Variants in LRP1B observed in about 807,000 individuals in gnomAD.
The protein encoded by LRP1B is low-density lipoprotein receptor-related protein 1B.
Under a neutral mutation model 556.6 loss-of-function variants are expected in LRP1B, and 217 were observed. The observed-to-expected ratio is 0.39, with a 90% CI of 0.35 to 0.44. LRP1B has a LOEUF of 0.44. Among genes scored for constraint, LRP1B ranks in the 20% least tolerant of loss-of-function variants. The pLI is 1.00. For synonymous variants in LRP1B, 2,047 were observed against 1,865.8 expected (o/e 1.10, Z -2.50); for missense variants, 5,053 against 5,620.8 (o/e 0.90, Z 3.23).
rs533563582 is a variant in LRP1B at position 141,594,685 on chromosome 2, T to C, written c.206-114152A>G. ...CATTTGGTTGACTACATTGATCAGA[T>C]AGCCAGTCAAATAAATTTCTTCCTT... On this transcript the variant is annotated intron_variant, in intron 2 of 90. Transcript: ENST00000389484. 1.9e-3 allele frequency among the ~76,000 whole-genome samples: 292 copies of C among 152,274 alleles called. 5 individuals are homozygous for C. Among genetic ancestry groups the C allele is most frequent in the Admixed American group, 0.019 (283 of 15,276 alleles).
intron 3 of LRP1B, among the ~76,000 whole-genome samples, chr2:141,416,012 A>G (rs967111091): frequency 1.3e-5 from 2 of 152,250 alleles, no homozygotes; most frequent in African/African-American, 2.4e-5. Context: ...CTTTTGAATA[A>G]GTTCTCTCTA....
chr2:140,788,033 T>A (rs1232563105), intron 32 of LRP1B, among the ~76,000 whole-genome samples: 1 of 152,212 alleles, frequency 6.6e-6, no homozygotes, highest in African/African-American at 2.4e-5. Context: ...CTTGGTGTGA[T>A]AATTGGCTGT....
chr2:141,531,028 T>C (rs1039882823), intron 2 of LRP1B, among the ~76,000 whole-genome samples: 1 of 151,658 alleles, frequency 6.6e-6, no homozygotes, highest in African/African-American at 2.4e-5. Flanking sequence ...TAATAAGATT[T>C]ATATTTTTAA....
chr2:140,620,352 T>C (rs1683406935), intron 41 of LRP1B, among the ~76,000 whole-genome samples: 1 of 152,190 alleles, frequency 6.6e-6, no homozygotes, highest in Non-Finnish European at 1.5e-5. Context: ...TGTCAGTCAG[T>C]GTCATTCATG....
intron 84 of LRP1B, among the ~76,000 whole-genome samples, chr2:140,278,167 T>G (rs1682763737): frequency 6.6e-6 from 1 of 152,036 alleles, no homozygotes; most frequent in South Asian, 2.1e-4. Flanking sequence ...AAAGTTAAGT[T>G]GAATCTATGG....
chr2:142,063,056 C>CA (rs3041466), intron 1 of LRP1B, among the ~76,000 whole-genome samples: 21,750 of 124,904 alleles, frequency 0.17, 2,478 homozygotes, highest in African/African-American at 0.21. Flanking sequence ...ATTACCTGAC[C>CA]AAAAAAAAAA....
At chr2:140,901,548 C>T (rs574323420) in intron 23 of LRP1B, among the ~76,000 whole-genome samples, 1 of 152,240 alleles carries the variant, frequency 6.6e-6, no homozygotes, top group Admixed American at 6.5e-5. Flanking sequence ...TCACCTCAAG[C>T]ATTTATCCTT....
chr2:140,925,043 A>G (rs982331828), intron 20 of LRP1B, among the ~76,000 whole-genome samples: 1 of 152,160 alleles, frequency 6.6e-6, no homozygotes, highest in Admixed American at 6.6e-5. Context: ...GTATAACTAT[A>G]TCATATTTAC....
intron 3 of LRP1B, among the ~76,000 whole-genome samples, chr2:141,427,867 T>G (rs1680425642): frequency 1.3e-5 from 2 of 152,146 alleles, no homozygotes; most frequent in African/African-American, 4.8e-5. Context: ...AGTATTGCAC[T>G]GATAGTGCAC....
rs138769219 is a variant in LRP1B, at chr2:140,970,968, T to C, written c.2887+11192A>G. Among the ~76,000 whole-genome samples the C allele has an allele frequency of 2.6e-3, 397 of 152,158 alleles. 2 individuals are homozygous for C. The highest frequency in any genetic ancestry group is 9.0e-3 in the African/African-American group (375 of 41,490). On this transcript the variant is annotated intron_variant, in intron 18 of 90. Coordinates refer to ENST00000389484, the MANE Select transcript of LRP1B (RefSeq NM_018557.3). ...GTTGCCCAGGCTGGCCTCAAACTCC[T>C]GGGCTCAAGGGATCTGCCAGCTTTG...
At chr2:142,066,007 G>A (rs759142539) in intron 1 of LRP1B, among the ~76,000 whole-genome samples, 5 of 151,282 alleles carry the variant, frequency 3.3e-5, no homozygotes, top group African/African-American at 7.3e-5. Flanking sequence ...TACAGACACA[G>A]GATAACAATT....
At chr2:140,374,241 T>C (rs150105379) in intron 68 of LRP1B, among the ~76,000 whole-genome samples, 3 of 152,272 alleles carry the variant, frequency 2.0e-5, no homozygotes, top group African/African-American at 7.2e-5. Context: ...TGTTTTCTGT[T>C]GTTAGGGAAT....
chr2:141,644,826 T>C (rs1689492644), intron 2 of LRP1B, among the ~76,000 whole-genome samples: 1 of 151,206 alleles, frequency 6.6e-6, no homozygotes, highest in South Asian at 2.1e-4. Flanking sequence ...AAAATAGACT[T>C]GGAACTCATT....
At chr2:141,980,251 A>C (rs1372877188) in intron 1 of LRP1B, among the ~76,000 whole-genome samples, 4 of 152,118 alleles carry the variant, frequency 2.6e-5, no homozygotes, top group Admixed American at 2.6e-4. Context: ...AACTAGAACA[A>C]AGGTGAAAAG....
intron 1 of LRP1B, 126 bp downstream of exon 1, chr2:142,130,522 G>T (rs1161455892): frequency 5.2e-6 from 4 of 766,240 alleles, no homozygotes; most frequent in Non-Finnish European, 8.4e-6. Context: ...CCAGCGCACG[G>T]TGGTCACCCG....
chr2:141,804,108 T>C (rs1173713670), intron 2 of LRP1B, among the ~76,000 whole-genome samples: 1 of 152,066 alleles, frequency 6.6e-6, no homozygotes, highest in African/African-American at 2.4e-5. Flanking sequence ...ACAATCCTTT[T>C]GGGATGGCCT....
At chr2:141,353,778 T>C (rs1688528168) in intron 3 of LRP1B, among the ~76,000 whole-genome samples, 2 of 152,008 alleles carry the variant, frequency 1.3e-5, no homozygotes, top group African/African-American at 2.4e-5. Context: ...ATAAATGCTC[T>C]TTTTAATCTA....
intron 2 of LRP1B, among the ~76,000 whole-genome samples, chr2:141,540,668 T>C (rs1327087624): frequency 6.6e-6 from 1 of 152,064 alleles, no homozygotes; most frequent in Non-Finnish European, 1.5e-5. Context: ...TAACAAATGA[T>C]TTAGTTAAGG....
chr2:140,769,076 C>G (rs1237782533), intron 35 of LRP1B, 137 bp downstream of exon 35: 1 of 776,828 alleles, frequency 1.3e-6, no homozygotes, highest in East Asian at 2.9e-5. Context: ...TATGATTGGC[C>G]TTAATATTTA....
Sources: gnomAD v4.1 joint callset for allele counts (sites outside exome capture counted in the v4.1 genomes callset) on GRCh38, gnomAD v4.1.1 for gene constraint, MANE v1.5 for transcripts, NCBI Gene and HGNC (gene_info 2026-07-23, HGNC 2026-07-21) for gene names.